THSD4: variants seen among roughly 807,000 people sequenced by gnomAD.
The protein encoded by THSD4 is thrombospondin type 1 domain containing 4, also known as thrombospondin type-1 domain-containing protein 4.
A neutral mutation model predicts 119.0 loss-of-function variants in THSD4; 69 were observed. The ratio of observed to expected loss-of-function variants is 0.58; its 90% CI spans 0.48 to 0.71. The LOEUF is 0.71. Ranked by LOEUF, THSD4 falls within the 30% of genes least tolerant of loss-of-function variation. The pLI is 0.00. For synonymous variants in THSD4, 524 were observed against 540.4 expected (o/e 0.97, Z 0.42); for missense variants, 1,393 against 1,391.1 (o/e 1.00, Z -0.02).
intron 4 of THSD4, among the ~76,000 whole-genome samples, chr15:71,233,379 A>G (rs576998289): frequency 5.9e-5 from 9 of 152,332 alleles, no homozygotes; most frequent in African/African-American, 2.2e-4. Context: ...TCTACTGCCC[A>G]GGGGAAATCA....
intron 1 of THSD4, among the ~76,000 whole-genome samples, chr15:71,097,764 A>T (rs1390020393): frequency 6.7e-6 from 1 of 149,798 alleles, no homozygotes; most frequent in Non-Finnish European, 1.5e-5. Flanking sequence ...CTCTTTCCTG[A>T]TTCATCACAC....
At position 71,465,884 on chromosome 15, in the gene THSD4, T is replaced by C. The variant is rs536515553; in HGVS notation, c.1152+54061T>C. 5.0e-4 allele frequency among the ~76,000 whole-genome samples: 76 copies of C among 152,170 alleles called. 2 individuals carry two copies. The highest frequency in any genetic ancestry group is 1.6e-3 in the African/African-American group (67 of 41,506). On this transcript the variant is annotated intron_variant, in intron 7 of 17. Coordinates refer to ENST00000261862, the MANE Select transcript of THSD4 (RefSeq NM_024817.3). ...CATTTATTGGCACTTCCATGGGGGG[T>C]AGGTCCTGAAGTTTCCTGTGGCAGG...
In THSD4 at chr15:71,422,093, G is replaced by A. The variant is rs148216527; in HGVS notation, c.1152+10270G>A. Among the ~76,000 whole-genome samples the A allele has an allele frequency of 1.3e-3, 202 of 152,282 alleles. 1 individual carries two copies. The highest frequency in any genetic ancestry group is 2.5e-3 in the Non-Finnish European group (173 of 68,004). On this transcript the variant is annotated intron_variant, in intron 7 of 17. Coordinates refer to ENST00000261862, the MANE Select transcript of THSD4 (RefSeq NM_024817.3). ...AATTCTGCTGAGTTTCCTCAAGACA[G>A]CTATTTTGAATTTCCTGACTGAAAG...
intron 1 of THSD4, among the ~76,000 whole-genome samples, chr15:71,121,916 CA>C (rs1430208969): frequency 6.6e-6 from 1 of 152,034 alleles, no homozygotes; most frequent in Non-Finnish European, 1.5e-5. Context: ...TAATGATTGA[CA>C]GGAGGATCAA....
At chr15:71,308,381 A>G (rs1241120996) in intron 6 of THSD4, among the ~76,000 whole-genome samples, 1 of 152,202 alleles carries the variant, frequency 6.6e-6, no homozygotes. Context: ...CAGGTTCTTC[A>G]CATTGATTCT....
chr15:71,330,024 G>A (rs1484726665), intron 6 of THSD4, among the ~76,000 whole-genome samples: 1 of 151,852 alleles, frequency 6.6e-6, no homozygotes, highest in Non-Finnish European at 1.5e-5. Flanking sequence ...AGGCTGCGGT[G>A]AGCTGTGATA....
At chr15:71,505,730 C>T (rs1382874565) in intron 7 of THSD4, among the ~76,000 whole-genome samples, 1 of 152,174 alleles carries the variant, frequency 6.6e-6, no homozygotes, top group Non-Finnish European at 1.5e-5. Context: ...CCAAATAATA[C>T]AGTTATCTGA....
chr15:71,294,800 T>G (rs2044839938), intron 6 of THSD4, among the ~76,000 whole-genome samples: 1 of 152,142 alleles, frequency 6.6e-6, no homozygotes, highest in African/African-American at 2.4e-5. Flanking sequence ...TACAGGATGT[T>G]TTACATTCTC....
At chr15:71,314,357 G>A (rs980381696) in intron 6 of THSD4, among the ~76,000 whole-genome samples, 1 of 151,958 alleles carries the variant, frequency 6.6e-6, no homozygotes, top group Non-Finnish European at 1.5e-5. Flanking sequence ...ACCCAGGCTG[G>A]AGTGTAGTGG....
chr15:71,620,320 TG>T lies in THSD4; in HGVS notation c.1153-40205del, dbSNP rs368480911. Among the ~76,000 whole-genome samples, 1,015 of 152,236 alleles carry T rather than the reference TG, an allele frequency of 6.7e-3. 4 individuals carry two copies. The highest frequency in any genetic ancestry group is 0.017 in the Middle Eastern group (5 of 294). On this transcript the variant is annotated intron_variant, in intron 7 of 17. Transcript: ENST00000261862. ...AAAAACATAGTTGTCTGGCTGGGTG[TG>T]GGGGCTCATGCCTGTAATCCCAGAG... is the stretch of plus-strand genomic sequence containing the variant.
chr15:71,566,230 G>A (rs1022677511), intron 7 of THSD4, among the ~76,000 whole-genome samples: 2 of 149,860 alleles, frequency 1.3e-5, no homozygotes, highest in Non-Finnish European at 3.0e-5. Context: ...AACAATGCGT[G>A]GTTTGGAGGT....
At chr15:71,515,772 A>G (rs1265518565) in intron 7 of THSD4, among the ~76,000 whole-genome samples, 1 of 152,190 alleles carries the variant, frequency 6.6e-6, no homozygotes, top group East Asian at 1.9e-4. Flanking sequence ...GGATTGTTCC[A>G]GGTTGCCTCG....
intron 8 of THSD4, among the ~76,000 whole-genome samples, chr15:71,687,998 TCTC>T (rs2051954569): frequency 6.6e-6 from 1 of 152,232 alleles, no homozygotes; most frequent in African/African-American, 2.4e-5. Context: ...TCAGTTATAA[TCTC>T]CTGTAAATGT....
intron 8 of THSD4, among the ~76,000 whole-genome samples, chr15:71,721,708 A>C (rs2052726379): frequency 6.6e-6 from 1 of 151,986 alleles, no homozygotes; most frequent in Non-Finnish European, 1.5e-5. Context: ...TATGGGATTA[A>C]AGTATATGAT....
intron 7 of THSD4, among the ~76,000 whole-genome samples, chr15:71,432,160 A>G (rs1187089266): frequency 6.6e-6 from 1 of 152,186 alleles, no homozygotes; most frequent in Non-Finnish European, 1.5e-5. Flanking sequence ...GGAAAACTAA[A>G]CACCATTTTG....
At chr15:71,303,963 C>T (rs2044988278) in intron 6 of THSD4, among the ~76,000 whole-genome samples, 1 of 152,210 alleles carries the variant, frequency 6.6e-6, no homozygotes, top group Non-Finnish European at 1.5e-5. Context: ...CTCTGGTCCA[C>T]TCTGGCTATG....
chr15:71,732,650 G>C (rs750614978), intron 10 of THSD4: 1 of 152,170 alleles, frequency 6.6e-6, no homozygotes. Flanking sequence ...TACTTGGAGG[G>C]AAGTACTATT....
chr15:71,712,401 G>T (rs1395468997), intron 8 of THSD4, among the ~76,000 whole-genome samples: 1 of 152,196 alleles, frequency 6.6e-6, no homozygotes, highest in African/African-American at 2.4e-5. Context: ...GGCATTAAAT[G>T]CTTATCCTGG....
At chr15:71,569,683 G>A (rs2049313080) in intron 7 of THSD4, among the ~76,000 whole-genome samples, 1 of 152,150 alleles carries the variant, frequency 6.6e-6, no homozygotes, top group African/African-American at 2.4e-5. Context: ...ACAATTGAAT[G>A]TGTAACTCAT....
Sources: allele counts gnomAD v4.1 joint callset (sites outside exome capture counted in the v4.1 genomes callset), GRCh38; gene constraint gnomAD v4.1.1; transcripts MANE v1.5; gene names NCBI Gene and HGNC (gene_info 2026-07-23, HGNC 2026-07-21).